The following MSH4 variants were observed in gnomAD, a reference collection of about 807,000 sequenced individuals.
The protein encoded by MSH4 is mutS homolog 4.
MSH4 carries 106 observed loss-of-function variants against 113.7 expected under a neutral mutation model. The observed-to-expected ratio is 0.93, with a 90% CI of 0.80 to 1.10. The LOEUF (loss-of-function observed/expected upper bound fraction) is 1.10, where lower values mean the gene tolerates loss of function less well. Ranked by LOEUF, MSH4 falls within the 50% of genes least tolerant of loss-of-function variation. MSH4 has a pLI of 0.00. For missense variants in MSH4, 1,061 were observed against 1,093.7 expected (o/e 0.97, Z 0.42); for synonymous variants, 368 against 380.2 (o/e 0.97, Z 0.37).
At chr1:75,879,367 T>C (rs901693175) in intron 12 of MSH4, among the ~76,000 whole-genome samples, 1 of 151,826 alleles carries the variant, frequency 6.6e-6, no homozygotes, top group Non-Finnish European at 1.5e-5. Context: ...AAAAGGAAAA[T>C]GAAGAAAGAA....
chr1:75,889,482 T>C, intron 16 of MSH4, 113 bp downstream of exon 16: 1 of 502,806 alleles, frequency 2.0e-6, no homozygotes, highest in Non-Finnish European at 3.6e-6. Flanking sequence ...TATACCCTTT[T>C]CTAAGAGCCA....
intron 8 of MSH4, among the ~76,000 whole-genome samples, chr1:75,855,864 A>G (rs1370722319): frequency 6.6e-6 from 1 of 152,210 alleles, no homozygotes; most frequent in African/African-American, 2.4e-5. Flanking sequence ...TTAACAGTGT[A>G]TAAGTGAAGG....
chr1:75,806,858 G>A (rs1650078630), intron 2 of MSH4, 123 bp from the exon 3 acceptor site: 1 of 788,514 alleles, frequency 1.3e-6, no homozygotes, highest in Non-Finnish European at 1.9e-6. Context: ...TGAAATAAGA[G>A]GCTAACTGAT....
At chr1:75,870,017 G>T (rs1651678486) in intron 9 of MSH4, among the ~76,000 whole-genome samples, 1 of 152,202 alleles carries the variant, frequency 6.6e-6, no homozygotes, top group South Asian at 2.1e-4. Context: ...TCAGGGGGCT[G>T]TACCCTGCAA....
intron 19 of MSH4, among the ~76,000 whole-genome samples, chr1:75,912,273 G>C (rs919790344): frequency 2.6e-5 from 4 of 151,928 alleles, no homozygotes; most frequent in Admixed American, 2.0e-4. Flanking sequence ...AGTACTCTTT[G>C]GCATCATTTA....
chr1:75,816,379 C>T lies in MSH4; in HGVS notation c.822C>T (p.Tyr274=). The change falls in exon 6 of 20, where the codon TAC becomes TAT. Residue 274 remains tyrosine, a synonymous_variant. Coordinates refer to ENST00000263187, the MANE Select transcript of MSH4 (RefSeq NM_002440.4). ...ATTATTGGTCATCTTTTAGGTATTA[C>T]TGCCTTGCAGCTGTTGCAGCTTTGT... The part of the protein sequence containing the change: ...TVLMEVQSKY[Y]CLAAVAALLK... The T allele has an allele frequency of 1.3e-6, 2 of 1,597,502 alleles. No homozygotes were observed. Among genetic ancestry groups the T allele is most frequent in the Non-Finnish European group, 1.7e-6 (2 of 1,170,012 alleles).
rs1206991420 is a variant in MSH4, at chr1:75,797,056, G to A, written c.71G>A (p.Arg24His). 4 of 1,613,904 alleles carry A rather than the reference G, an allele frequency of 2.5e-6. No homozygotes were observed. The highest frequency in any genetic ancestry group is 1.6e-4 in the Middle Eastern group (1 of 6,084). ...GTTTCCCCGTCGTCGGGAGAAACCC[G>A]CTCACCTCAGGGTCCCCGCTACAAT... ...PAVSPSSGET[R>H]SPQGPRYNFG... The change falls in exon 1 of 20, where the codon CGC becomes CAC. Residue 24 changes from arginine to histidine, a missense_variant. Transcript: ENST00000263187.
chr1:75,870,073 G>A (rs1181611663), intron 9 of MSH4, among the ~76,000 whole-genome samples: 1 of 152,180 alleles, frequency 6.6e-6, no homozygotes, highest in Non-Finnish European at 1.5e-5. Flanking sequence ...TTCACTTCTT[G>A]CATCAGTGTG....
At chr1:75,837,091 G>A (rs879118926) in intron 7 of MSH4, among the ~76,000 whole-genome samples, 3 of 152,074 alleles carry the variant, frequency 2.0e-5, no homozygotes, top group Admixed American at 6.6e-5. Flanking sequence ...GGGCCTTTAG[G>A]GGGTGGTTAC....
chr1:75,907,684 C>CTCTCTCTACATATATATATA (rs1307238647), intron 19 of MSH4, among the ~76,000 whole-genome samples: 2 of 46,572 alleles, frequency 4.3e-5, no homozygotes, highest in African/African-American at 2.0e-4. Context: ...CTCTCTCTCT[C>CTCTCTCTACATATATATATA]TATACATATA....
intron 7 of MSH4, among the ~76,000 whole-genome samples, chr1:75,839,554 G>A (rs183057561): frequency 7.2e-5 from 11 of 152,258 alleles, no homozygotes; most frequent in Admixed American, 4.6e-4. Flanking sequence ...CAATAAAGTA[G>A]AGCAGCAGGG....
intron 18 of MSH4, 69 bp from the exon 19 acceptor site, chr1:75,899,549 T>A: frequency 1.3e-6 from 1 of 787,692 alleles, no homozygotes. Flanking sequence ...AGATTAATAC[T>A]AGTTAAAAGA....
intron 2 of MSH4, among the ~76,000 whole-genome samples, chr1:75,805,018 G>A (rs1327569907): frequency 1.3e-5 from 2 of 151,204 alleles, no homozygotes; most frequent in Non-Finnish European, 2.9e-5. Flanking sequence ...GTAGAGACAG[G>A]GTTTTACCAT....
intron 15 of MSH4, among the ~76,000 whole-genome samples, chr1:75,887,668 G>A (rs1202626601): frequency 6.6e-6 from 1 of 152,084 alleles, no homozygotes; most frequent in Non-Finnish European, 1.5e-5. Flanking sequence ...GTTTGTAAGA[G>A]GCAGCACAAG....
chr1:75,872,685 A>C (rs1336362251), intron 9 of MSH4, among the ~76,000 whole-genome samples: 1 of 152,250 alleles, frequency 6.6e-6, no homozygotes, highest in Non-Finnish European at 1.5e-5. Flanking sequence ...ATCATGAAAC[A>C]AGTGAAGATG....
At chr1:75,841,283 A>G (rs192682864) in intron 7 of MSH4, among the ~76,000 whole-genome samples, 8 of 151,388 alleles carry the variant, frequency 5.3e-5, no homozygotes, top group African/African-American at 1.9e-4. Flanking sequence ...TTACTATAAC[A>G]AACCTCTGGG....
chr1:75,883,999 A>G (rs1651991747), intron 15 of MSH4, among the ~76,000 whole-genome samples, 178 bp downstream of exon 15: 1 of 152,196 alleles, frequency 6.6e-6, no homozygotes, highest in Non-Finnish European at 1.5e-5. Context: ...TTTGATATTT[A>G]TTAAGCTCCA....
rs535198298 is a variant in MSH4 at position 75,856,388 on chromosome 1, A to G, written c.1230+8112A>G. On this transcript the variant is annotated intron_variant, in intron 8 of 19. Coordinates refer to ENST00000263187, the MANE Select transcript of MSH4 (RefSeq NM_002440.4). ...CGTGCCATGGTGGTTTGCTGCACCT[A>G]TCAACCCATCACCTACATTAGGTAT... is the stretch of plus-strand genomic sequence containing the variant. Among the ~76,000 whole-genome samples, 7 of 152,182 alleles carry G rather than the reference A, an allele frequency of 4.6e-5. No homozygotes were observed. The South Asian group carries it at 1.4e-3, about 32-fold the overall frequency.
intron 19 of MSH4, among the ~76,000 whole-genome samples, chr1:75,905,637 G>T (rs1036804269): frequency 1.3e-5 from 2 of 152,062 alleles, no homozygotes; most frequent in African/African-American, 4.8e-5. Flanking sequence ...CCATTACTGA[G>T]AATGGAATGT....
Sources: allele counts gnomAD v4.1 joint callset (sites outside exome capture counted in the v4.1 genomes callset), GRCh38; gene constraint gnomAD v4.1.1; transcripts MANE v1.5; gene names NCBI Gene and HGNC (gene_info 2026-07-23, HGNC 2026-07-21).